Variants in MAGI2 observed in about 807,000 individuals in gnomAD.
MAGI2 encodes the protein membrane-associated guanylate kinase, WW and PDZ domain-containing protein 2.
A neutral mutation model predicts 133.3 loss-of-function variants in MAGI2; 35 were observed. The observed-to-expected ratio is 0.26, with a 90% CI of 0.20 to 0.35. MAGI2 has a LOEUF of 0.35. Ranked by LOEUF, MAGI2 falls within the 10% of genes least tolerant of loss-of-function variation. The pLI, the probability that MAGI2 is intolerant of heterozygous loss-of-function variation, is 1.00. For synonymous variants in MAGI2, 729 were observed against 710.6 expected (o/e 1.03, Z -0.41); for missense variants, 1,636 against 1,863.4 (o/e 0.88, Z 2.25).
intron 3 of MAGI2, among the ~76,000 whole-genome samples, chr7:78,565,580 TA>T: frequency 6.6e-6 from 1 of 152,196 alleles, no homozygotes; most frequent in Non-Finnish European, 1.5e-5. Context: ...CAAATACTTT[TA>T]AAAAAATCAC....
chr7:78,834,743 CA>C (rs1191727150), intron 2 of MAGI2, among the ~76,000 whole-genome samples: 3 of 152,030 alleles, frequency 2.0e-5, no homozygotes, highest in Non-Finnish European at 4.4e-5. Context: ...ATGTAATCCG[CA>C]ATGTTGGAAG....
chr7:78,578,143 T>C (rs1423335653), intron 3 of MAGI2, among the ~76,000 whole-genome samples: 3 of 152,048 alleles, frequency 2.0e-5, no homozygotes, highest in African/African-American at 7.2e-5. Context: ...TTTTGGATGA[T>C]CATAAAACAT....
chr7:78,528,293 G>C (rs570442306), intron 3 of MAGI2, among the ~76,000 whole-genome samples: 17 of 152,146 alleles, frequency 1.1e-4, no homozygotes, highest in Non-Finnish European at 1.6e-4. Flanking sequence ...GGTTCCAGCT[G>C]ATCATAATTA....
chr7:78,584,817 T>C (rs1205524056), intron 3 of MAGI2, among the ~76,000 whole-genome samples: 1 of 152,358 alleles, frequency 6.6e-6, no homozygotes, highest in South Asian at 2.1e-4. Context: ...CTAGCTGTTT[T>C]ATTGTTTAAT....
At chr7:78,302,243 T>A (rs1173476262) in intron 9 of MAGI2, among the ~76,000 whole-genome samples, 10 of 152,260 alleles carry the variant, frequency 6.6e-5, no homozygotes, top group Non-Finnish European at 1.2e-4. Context: ...TTCAGTCATA[T>A]GCCAAACTCA....
chr7:78,667,241 G>A (rs1354217336), intron 2 of MAGI2, among the ~76,000 whole-genome samples: 6 of 151,256 alleles, frequency 4.0e-5, no homozygotes, highest in Admixed American at 1.3e-4. Flanking sequence ...CCACACCCCT[G>A]CCCAATCCCC....
At chr7:78,877,400 C>A (rs142018460) in intron 2 of MAGI2, among the ~76,000 whole-genome samples, 50 of 152,286 alleles carry the variant, frequency 3.3e-4, no homozygotes, top group African/African-American at 1.2e-3. Flanking sequence ...CATGTATAAA[C>A]CACTGTGTGC....
intron 2 of MAGI2, among the ~76,000 whole-genome samples, chr7:78,827,055 C>T (rs1033303708): frequency 2.0e-5 from 3 of 151,920 alleles, no homozygotes; most frequent in Admixed American, 1.3e-4. Context: ...GATACAGATA[C>T]ATATAGATAC....
chr7:78,044,695 G>T (rs1164979767), intron 21 of MAGI2, among the ~76,000 whole-genome samples: 2 of 109,392 alleles, frequency 1.8e-5, no homozygotes, highest in African/African-American at 7.9e-5. Flanking sequence ...GTGTGTGTGT[G>T]TGTGTGTGTG....
chr7:78,387,852 G>A (rs1227372375), intron 6 of MAGI2, among the ~76,000 whole-genome samples: 2 of 152,094 alleles, frequency 1.3e-5, no homozygotes, highest in Non-Finnish European at 2.9e-5. Flanking sequence ...CTTAAGCCCA[G>A]GAGGCGGAGG....
At chr7:79,240,054 G>A (rs1270988047) in intron 1 of MAGI2, among the ~76,000 whole-genome samples, 1 of 152,132 alleles carries the variant, frequency 6.6e-6, no homozygotes, top group Non-Finnish European at 1.5e-5. Flanking sequence ...CATAGCCAGT[G>A]CCATCCCTTG....
intron 6 of MAGI2, among the ~76,000 whole-genome samples, chr7:78,428,944 T>G (rs2151426290): frequency 6.6e-6 from 1 of 152,258 alleles, no homozygotes; most frequent in East Asian, 1.9e-4. Flanking sequence ...TGTATACACA[T>G]TTACCATATA....
At chr7:78,757,988 T>C (rs925489811) in intron 2 of MAGI2, among the ~76,000 whole-genome samples, 2 of 152,160 alleles carry the variant, frequency 1.3e-5, no homozygotes, top group African/African-American at 4.8e-5. Flanking sequence ...CAGAGCATAT[T>C]CTATCAAAGG....
At chr7:78,499,543 T>C (rs1345836019) in intron 5 of MAGI2, among the ~76,000 whole-genome samples, 2 of 152,220 alleles carry the variant, frequency 1.3e-5, no homozygotes, top group African/African-American at 4.8e-5. Context: ...GCCTCACTAC[T>C]TACTATATAC....
At chr7:78,323,340 C>T (rs1439058618) in intron 9 of MAGI2, among the ~76,000 whole-genome samples, 2 of 152,218 alleles carry the variant, frequency 1.3e-5, no homozygotes, top group Non-Finnish European at 2.9e-5. Context: ...AAAGGACATT[C>T]ATACTTCTTT....
At chr7:78,491,871 TTGTGTGTGTGTGTGTGTGTGTGTGTG>T (rs10598552) in intron 5 of MAGI2, among the ~76,000 whole-genome samples, 1 of 141,108 alleles carries the variant, frequency 7.1e-6, no homozygotes, top group African/African-American at 2.6e-5. Context: ...TCCGTTCAAA[TTGTGTGTGTGTGTGTGTGTGTGTGTG>T]TGTGTGTGTG....
chr7:78,072,563 C>T (rs1585016543), intron 21 of MAGI2: 1 of 189,292 alleles, frequency 5.3e-6, no homozygotes, highest in Non-Finnish European at 1.1e-5. Flanking sequence ...ATATAGAGTA[C>T]TTGGTAGGAA....
chr7:78,769,903 A>G (rs118033690), intron 2 of MAGI2, among the ~76,000 whole-genome samples: 2 of 152,248 alleles, frequency 1.3e-5, no homozygotes, highest in East Asian at 1.9e-4. Flanking sequence ...TCCTCTTAAC[A>G]TCATGTGAAT....
At chr7:79,016,780 C>A (rs1028060050) in intron 1 of MAGI2, among the ~76,000 whole-genome samples, 1 of 152,188 alleles carries the variant, frequency 6.6e-6, no homozygotes, top group Non-Finnish European at 1.5e-5. Context: ...CCCACACCCA[C>A]CTGCACCCCA....
Sources: gnomAD v4.1 joint callset for allele counts (sites outside exome capture counted in the v4.1 genomes callset) on GRCh38, gnomAD v4.1.1 for gene constraint, MANE v1.5 for transcripts, NCBI Gene and HGNC (gene_info 2026-07-23, HGNC 2026-07-21) for gene names.